Variants in MSRA observed in about 807,000 individuals in gnomAD.
MSRA encodes the protein mitochondrial peptide methionine sulfoxide reductase.
In MSRA, 54 loss-of-function variants were observed where a neutral mutation model predicts 31.3. That is an observed-to-expected ratio of 1.73 (90% CI 1.39 to 2.17). MSRA has a LOEUF of 2.17. Among genes scored for constraint, MSRA ranks in the 30% most tolerant of loss-of-function variants. The probability of loss-of-function intolerance (pLI) is 0.00; values close to 1 mark genes in which losing one functional copy is unlikely to be tolerated. For synonymous variants in MSRA, 169 were observed against 116.5 expected, an observed-to-expected ratio of 1.45 and a Z score of -2.90; for missense variants, 507 against 300.9, an observed-to-expected ratio of 1.69 and a Z score of -5.07.
Position 10,392,987 on chromosome 8 carries a change from G to A in MSRA, c.544-35161G>A, listed in dbSNP as rs569526564. 3.9e-3 allele frequency among the ~76,000 whole-genome samples: 585 copies of A among 150,278 alleles called. 2 individuals carry two copies. The highest frequency in any genetic ancestry group is 6.5e-3 in the Non-Finnish European group (438 of 67,672). ...TGAGGCAGGAGAATGGCATGAACCC[G>A]GGAGGCGGAGCTTGCAGTGAGCCGA... On this transcript the variant is annotated intron_variant, in intron 5 of 5. Transcript: ENST00000317173.
At chr8:10,265,755 C>A (rs185422913) in intron 3 of MSRA, among the ~76,000 whole-genome samples, 3 of 152,354 alleles carry the variant, frequency 2.0e-5, no homozygotes, top group East Asian at 1.9e-4. Context: ...CATCATTCCT[C>A]CCCCTGCCTT....
intron 3 of MSRA, among the ~76,000 whole-genome samples, chr8:10,256,539 T>C (rs561270906): frequency 6.6e-6 from 1 of 152,322 alleles, no homozygotes; most frequent in Non-Finnish European, 1.5e-5. Flanking sequence ...GGATTTCTGC[T>C]AGCTGATATC....
chr8:10,061,824 TG>T, intron 1 of MSRA, among the ~76,000 whole-genome samples: 1 of 152,250 alleles, frequency 6.6e-6, no homozygotes, highest in East Asian at 1.9e-4. Flanking sequence ...GAGTTATTTT[TG>T]TGACTTTGGC....
intron 5 of MSRA, among the ~76,000 whole-genome samples, chr8:10,383,054 G>A (rs1012376714): frequency 2.6e-5 from 4 of 152,354 alleles, no homozygotes; most frequent in African/African-American, 9.6e-5. Flanking sequence ...AAACAGGCAT[G>A]AGAGAATGCT....
At chr8:10,212,343 T>C (rs746715567) in intron 2 of MSRA, among the ~76,000 whole-genome samples, 4 of 152,178 alleles carry the variant, frequency 2.6e-5, no homozygotes, top group African/African-American at 9.7e-5. Flanking sequence ...TAGGATATAA[T>C]GTCCCCCTTT....
At chr8:10,056,480 G>C (rs1288062599) in intron 1 of MSRA, among the ~76,000 whole-genome samples, 1 of 149,876 alleles carries the variant, frequency 6.7e-6, no homozygotes, top group East Asian at 2.0e-4. Flanking sequence ...ATAGCTGTGA[G>C]TGTTTTTGGT....
chr8:10,120,831 G>A (rs992312526), intron 1 of MSRA, among the ~76,000 whole-genome samples: 7 of 152,204 alleles, frequency 4.6e-5, no homozygotes, highest in Admixed American at 2.0e-4. Flanking sequence ...ACATGGTTTC[G>A]GCTTATTTGG....
intron 1 of MSRA, among the ~76,000 whole-genome samples, chr8:10,135,558 AC>A (rs1331104405): frequency 6.6e-6 from 1 of 152,212 alleles, no homozygotes; most frequent in Non-Finnish European, 1.5e-5. Context: ...ATACATGATG[AC>A]ACTTAAATTT....
intron 1 of MSRA, among the ~76,000 whole-genome samples, chr8:10,122,699 C>G (rs762928988): frequency 6.6e-6 from 1 of 151,976 alleles, no homozygotes; most frequent in Admixed American, 6.6e-5. Context: ...CCTCTACACT[C>G]AAGGAGGCCC....
Position 10,054,462 on chromosome 8 carries a change from G to C in MSRA, c.-55G>C. On this transcript the variant is annotated 5_prime_UTR_variant, in exon 1 of 6. Coordinates refer to ENST00000317173, the MANE Select transcript of MSRA (RefSeq NM_012331.5). ...CCCACTCTCTGCCGTTCCGGCTGCG[G>C]CTCCGCTGCCGGTAGCGCCGTCCCC... The C allele has an allele frequency of 6.6e-7, 1 of 1,520,022 alleles. No homozygotes were observed. 94.2% of individuals were successfully genotyped at this position (1,520,022 alleles called of 1,614,324 possible).
intron 1 of MSRA, among the ~76,000 whole-genome samples, chr8:10,100,570 A>G (rs1468296110): frequency 1.3e-5 from 2 of 152,114 alleles, no homozygotes; most frequent in Non-Finnish European, 2.9e-5. Flanking sequence ...AACATGGTGA[A>G]ACAGGGGAGG....
At chr8:10,336,404 C>G (rs1238108787) in intron 5 of MSRA, among the ~76,000 whole-genome samples, 1 of 151,218 alleles carries the variant, frequency 6.6e-6, no homozygotes, top group African/African-American at 2.4e-5. Flanking sequence ...GCCTAACACC[C>G]AAGCACATGT....
At chr8:10,124,365 G>A (rs2129019766) in intron 1 of MSRA, among the ~76,000 whole-genome samples, 1 of 152,266 alleles carries the variant, frequency 6.6e-6, no homozygotes, top group East Asian at 1.9e-4. Context: ...GGGAATGGTG[G>A]TTTTCCCCTG....
At chr8:10,162,791 G>A (rs1804777224) in intron 1 of MSRA, among the ~76,000 whole-genome samples, 1 of 152,170 alleles carries the variant, frequency 6.6e-6, no homozygotes, top group East Asian at 1.9e-4. Flanking sequence ...TGTAGATGGG[G>A]AAACCAAGGG....
chr8:10,122,721 G>A (rs1801218068), intron 1 of MSRA, among the ~76,000 whole-genome samples: 3 of 151,940 alleles, frequency 2.0e-5, no homozygotes, highest in Admixed American at 2.0e-4. Flanking sequence ...AGTGTCTTTT[G>A]TTCCCATCTT....
At chr8:10,143,547 C>G (rs755133925) in intron 1 of MSRA, among the ~76,000 whole-genome samples, 1 of 152,116 alleles carries the variant, frequency 6.6e-6, no homozygotes, top group South Asian at 2.1e-4. Context: ...TCGACAATGG[C>G]ATAGATCAAA....
At chr8:10,415,755 C>G (rs948441809) in intron 5 of MSRA, among the ~76,000 whole-genome samples, 4 of 151,844 alleles carry the variant, frequency 2.6e-5, no homozygotes, top group African/African-American at 4.8e-5. Flanking sequence ...CTCATTACCC[C>G]CAACCCCCAG....
At chr8:10,294,684 C>G (rs4240638) in intron 3 of MSRA, among the ~76,000 whole-genome samples, 149,914 of 152,270 alleles carry the variant, frequency 0.98, 73,847 homozygotes, top group Middle Eastern at 1. Flanking sequence ...GGAACAGTGT[C>G]ACCGACCTCC....
chr8:10,213,690 C>A (rs548193065), intron 2 of MSRA, among the ~76,000 whole-genome samples: 1 of 151,746 alleles, frequency 6.6e-6, no homozygotes, highest in African/African-American at 2.4e-5. Context: ...CCTGCCTCGG[C>A]CTCCCCAGGT....
Sources: gnomAD v4.1 joint callset for allele counts (sites outside exome capture counted in the v4.1 genomes callset) on GRCh38, gnomAD v4.1.1 for gene constraint, MANE v1.5 for transcripts, NCBI Gene and HGNC (gene_info 2026-07-23, HGNC 2026-07-21) for gene names.